Variants in EFCAB6 observed in about 807,000 individuals in gnomAD.
EFCAB6 encodes the protein EF-hand calcium binding domain 6.
A neutral mutation model predicts 169.8 loss-of-function variants in EFCAB6; 156 were observed. The observed-to-expected ratio is 0.92, with a 90% CI of 0.81 to 1.05. The LOEUF (loss-of-function observed/expected upper bound fraction) is 1.05, where lower values mean the gene tolerates loss of function less well. EFCAB6 is among the 50% of genes least tolerant of loss of function. The probability of loss-of-function intolerance (pLI) is 0.00; values close to 1 mark genes in which losing one functional copy is unlikely to be tolerated. For synonymous variants in EFCAB6, 698 were observed against 676.4 expected, an observed-to-expected ratio of 1.03 and a Z score of -0.50; for missense variants, 1,800 against 1,829.1, an observed-to-expected ratio of 0.98 and a Z score of 0.29.
chr22:43,680,484 A>C (rs945348425), intron 12 of EFCAB6, among the ~76,000 whole-genome samples: 1 of 115,918 alleles, frequency 8.6e-6, no homozygotes, highest in Non-Finnish European at 1.9e-5. Flanking sequence ...AAAAAAAAAG[A>C]AAAAAAAAAG....
intron 17 of EFCAB6, among the ~76,000 whole-genome samples, chr22:43,662,400 G>T (rs1176877180): frequency 6.6e-6 from 1 of 152,046 alleles, no homozygotes; most frequent in Non-Finnish European, 1.5e-5. Flanking sequence ...GAGATGGCTG[G>T]TGGGAATAAA....
intron 27 of EFCAB6, 140 bp from the exon 28 acceptor site, chr22:43,540,497 A>C (rs746084828): frequency 1.3e-6 from 2 of 1,538,294 alleles, no homozygotes; most frequent in South Asian, 2.4e-5. Flanking sequence ...AATTAAAAAA[A>C]TAAAACGCCC....
At chr22:43,553,561 G>T (rs113006957) in intron 27 of EFCAB6, 1 of 152,334 alleles carries the variant, frequency 6.6e-6, no homozygotes. Flanking sequence ...CCCACTCAGC[G>T]CCCTGCACTG....
chr22:43,681,537 T>C (rs1411507371), intron 12 of EFCAB6, among the ~76,000 whole-genome samples: 1 of 152,274 alleles, frequency 6.6e-6, no homozygotes, highest in Non-Finnish European at 1.5e-5. Flanking sequence ...GCATTATTTC[T>C]AAGCAATCAT....
At chr22:43,557,932 G>A (rs1051800528) in intron 26 of EFCAB6, among the ~76,000 whole-genome samples, 3 of 152,178 alleles carry the variant, frequency 2.0e-5, no homozygotes, top group African/African-American at 7.2e-5. Flanking sequence ...AAATTCAGCA[G>A]CTATTCCTGA....
intron 5 of EFCAB6, among the ~76,000 whole-genome samples, chr22:43,756,098 A>C (rs2060948217): frequency 6.6e-6 from 1 of 152,202 alleles, no homozygotes; most frequent in Non-Finnish European, 1.5e-5. Flanking sequence ...GCTGACACTT[A>C]ATGAGGACTT....
intron 26 of EFCAB6, among the ~76,000 whole-genome samples, chr22:43,574,341 A>T (rs1261404276): frequency 1.3e-5 from 2 of 152,142 alleles, no homozygotes; most frequent in Non-Finnish European, 2.9e-5. Flanking sequence ...AAGGCAGGGT[A>T]GTGCATAGAA....
At chr22:43,603,576 G>A (rs1347071961) in intron 22 of EFCAB6, among the ~76,000 whole-genome samples, 1 of 152,268 alleles carries the variant, frequency 6.6e-6, no homozygotes, top group African/African-American at 2.4e-5. Flanking sequence ...GCTTTGCTAA[G>A]AATGTCTTAG....
chr22:43,744,593 A>C lies in EFCAB6; in HGVS notation c.508-8600T>G, dbSNP rs1223971048. On this transcript the variant is annotated intron_variant, in intron 6 of 31. Transcript: ENST00000262726. The surrounding 1 kb of genome is among the most constrained non-coding windows in gnomAD (Gnocchi z 4.3). ...TCAGGGAAGGGGACCCAAGCAGCCA[A>C]AGGAAGTGAGCTGGACCACCAGGAG... Among the ~76,000 whole-genome samples the C allele has an allele frequency of 6.6e-6, 1 of 152,098 alleles. No homozygotes were observed. The highest frequency in any genetic ancestry group is 1.5e-5 in the Non-Finnish European group (1 of 68,010).
intron 10 of EFCAB6, 50 bp from the exon 11 acceptor site, chr22:43,687,631 TA>T: frequency 9.0e-7 from 1 of 1,107,102 alleles, no homozygotes; most frequent in Non-Finnish European, 1.3e-6. Flanking sequence ...ATTTTTTCTA[TA>T]ACACTGCATG....
chr22:43,533,095 C>G (rs1221188137), intron 30 of EFCAB6, among the ~76,000 whole-genome samples: 1 of 152,172 alleles, frequency 6.6e-6, no homozygotes, highest in Non-Finnish European at 1.5e-5. Context: ...TGGCTGAGAA[C>G]CAAAGGTAAA....
At chr22:43,639,221 A>C (rs2055637470) in intron 17 of EFCAB6, among the ~76,000 whole-genome samples, 1 of 152,180 alleles carries the variant, frequency 6.6e-6, no homozygotes, top group Non-Finnish European at 1.5e-5. Flanking sequence ...TACCATTTCT[A>C]ATGTTCTTTG....
chr22:43,565,021 G>C (rs2147156885), intron 26 of EFCAB6, among the ~76,000 whole-genome samples: 1 of 152,300 alleles, frequency 6.6e-6, no homozygotes, highest in African/African-American at 2.4e-5. Flanking sequence ...GCCAGGGGGG[G>C]CTTTGTGGCA....
intron 12 of EFCAB6, among the ~76,000 whole-genome samples, chr22:43,683,391 G>A (rs1208315253): frequency 3.3e-5 from 5 of 152,164 alleles, no homozygotes; most frequent in Non-Finnish European, 5.9e-5. Flanking sequence ...ATCAACTCTA[G>A]GTTAGGGTGG....
intron 30 of EFCAB6, among the ~76,000 whole-genome samples, chr22:43,532,800 G>A (rs1270505047): frequency 6.6e-6 from 1 of 152,194 alleles, no homozygotes; most frequent in Non-Finnish European, 1.5e-5. Flanking sequence ...TGTGGCCCTT[G>A]GGTGGGGTGA....
Position 43,667,162 on chromosome 22 carries a change from C to T in EFCAB6, c.1925G>A (p.Arg642Gln), listed in dbSNP as rs148107489. 1.1e-3 allele frequency: 1,832 copies of T among 1,613,948 alleles called. 4 individuals carry two copies. Among genetic ancestry groups the T allele is most frequent in the Non-Finnish European group, 1.5e-3 (1,733 of 1,179,998 alleles). Residue 642 changes from arginine to glutamine, a missense_variant, in exon 17 of 32, where the codon CGA becomes CAA. By Grantham distance (43) the Arg-to-Gln change is conservative (BLOSUM62 1). Transcript: ENST00000262726. ...IQQQDPAFKK[R>Q]FLDFSKEPNG... ...AGGCTCCTTGCTGAAGTCAAGAAAT[C>T]GTTTTTTGAATGCCGGGTCCTGCTG...
In EFCAB6 at chr22:43,608,519, G is replaced by A. The variant is rs756730044; in HGVS notation, c.2644C>T (p.Pro882Ser). The A allele has an allele frequency of 6.2e-7, 1 of 1,614,134 alleles. No homozygotes were observed. The highest frequency in any genetic ancestry group is 1.7e-5 in the Admixed American group (1 of 60,020). Reference sequence around the variant, plus strand: ...TTTTCAAACTCTCTTGGTGTGAGGGGAATATCAAAACCGTACAGTGCGTTC... The same window carrying A: ...TTTTCAAACTCTCTTGGTGTGAGGGAAATATCAAAACCGTACAGTGCGTTC... Reference protein sequence around the residue: ...IKNALYGFDIPLTPREFEKLW... With the variant: ...IKNALYGFDISLTPREFEKLW... Residue 882 changes from proline (P) to serine (S), a missense_variant, in exon 22 of 32, where the codon CCC becomes TCC. Transcript: ENST00000262726.
intron 24 of EFCAB6, among the ~76,000 whole-genome samples, chr22:43,589,686 C>A (rs866676508): frequency 7.2e-5 from 11 of 151,970 alleles, no homozygotes; most frequent in African/African-American, 2.7e-4. Flanking sequence ...TACTTGGGAG[C>A]CTGAGGCACG....
intron 8 of EFCAB6, among the ~76,000 whole-genome samples, chr22:43,725,134 CT>C (rs33983375): frequency 0.24 from 22,501 of 94,546 alleles, 2,088 homozygotes; most frequent in South Asian, 0.33. Context: ...GCCAAACTGG[CT>C]TTTTTTTTTT....
Sources: allele counts gnomAD v4.1 joint callset (sites outside exome capture counted in the v4.1 genomes callset), GRCh38; gene constraint gnomAD v4.1.1; non-coding constraint Gnocchi (gnomAD v3.1); transcripts MANE v1.5; gene names NCBI Gene and HGNC (gene_info 2026-07-23, HGNC 2026-07-21).